ATG5: variants seen among roughly 807,000 people sequenced by gnomAD.
ATG5 encodes autophagy related 5, also known as autophagy protein 5.
In ATG5, 14 loss-of-function variants were observed where a neutral mutation model predicts 36.5. That is an observed-to-expected ratio of 0.38 (90% confidence interval 0.25 to 0.60). The LOEUF (loss-of-function observed/expected upper bound fraction) is 0.60. Ranked by LOEUF, ATG5 falls within the 20% of genes least tolerant of loss-of-function variation. The probability of loss-of-function intolerance (pLI) is 0.60; values close to 1 mark genes in which losing one functional copy is unlikely to be tolerated. For missense variants in ATG5, 195 were observed against 326.7 expected (o/e 0.60, Z 3.11); for synonymous variants, 95 against 101.5 (o/e 0.94, Z 0.38).
intron 1 of ATG5, among the ~76,000 whole-genome samples, chr6:106,324,360 T>A (rs996359262): frequency 5.3e-5 from 8 of 152,166 alleles, no homozygotes; most frequent in African/African-American, 1.9e-4. Flanking sequence ...CTGCAAACAC[T>A]ACACCATTTT....
Position 106,248,247 on chromosome 6 carries a change from G to A in ATG5, c.479-3C>T. 1.3e-6 allele frequency: 2 copies of A among 1,583,108 alleles called. No homozygotes were observed. The highest frequency in any genetic ancestry group is 1.1e-5 in the South Asian group (1 of 90,210). On this transcript the variant is annotated splice_region_variant and splice_polypyrimidine_tract_variant and intron_variant, in intron 5 of 7. Coordinates refer to ENST00000369076, the MANE Select transcript of ATG5 (RefSeq NM_004849.4). Reference sequence around the variant, plus strand: ...GGCCCAAAACTGGTCAAATCTGTCTGTAATGATATAAATTATTTGTTATTA... The same window carrying A: ...GGCCCAAAACTGGTCAAATCTGTCTATAATGATATAAATTATTTGTTATTA...
chr6:106,261,796 T>C (rs1449147202), intron 5 of ATG5, among the ~76,000 whole-genome samples: 1 of 152,108 alleles, frequency 6.6e-6, no homozygotes, highest in Non-Finnish European at 1.5e-5. Flanking sequence ...AGGCTGGATG[T>C]AGAAGTTGGG....
At chr6:106,204,134 G>A (rs999532653) in intron 6 of ATG5, among the ~76,000 whole-genome samples, 1 of 151,946 alleles carries the variant, frequency 6.6e-6, no homozygotes, top group Non-Finnish European at 1.5e-5. Flanking sequence ...GTAGATGAGG[G>A]GCTGATGGGT....
chr6:106,239,939 A>T (rs1247065307), intron 6 of ATG5, among the ~76,000 whole-genome samples: 1 of 152,240 alleles, frequency 6.6e-6, no homozygotes, highest in Non-Finnish European at 1.5e-5. Flanking sequence ...AGTTTATATA[A>T]TAAAAGATCA....
intron 5 of ATG5, among the ~76,000 whole-genome samples, chr6:106,265,976 A>C (rs1779212939): frequency 6.6e-6 from 1 of 152,100 alleles, no homozygotes; most frequent in African/African-American, 2.4e-5. Context: ...AGCTAGCACA[A>C]GACAAGAATA....
intron 6 of ATG5, among the ~76,000 whole-genome samples, chr6:106,203,259 A>G (rs1042598475): frequency 1.3e-5 from 2 of 152,168 alleles, no homozygotes; most frequent in African/African-American, 4.8e-5. Flanking sequence ...TTCATTTACT[A>G]AATTTCCTTA....
chr6:106,322,574 T>C (rs1272137604), intron 1 of ATG5, among the ~76,000 whole-genome samples: 2 of 152,190 alleles, frequency 1.3e-5, no homozygotes, highest in Non-Finnish European at 2.9e-5. Context: ...GCTAATGACC[T>C]TGCTTTCTAT....
intron 4 of ATG5, among the ~76,000 whole-genome samples, chr6:106,291,334 C>A (rs1780299779): frequency 1.3e-5 from 2 of 152,198 alleles, no homozygotes; most frequent in Admixed American, 1.3e-4. Flanking sequence ...ATAAAGAAAA[C>A]AATGACAACT....
intron 6 of ATG5, among the ~76,000 whole-genome samples, chr6:106,208,174 A>G (rs1385137527): frequency 1.3e-5 from 2 of 152,200 alleles, no homozygotes. Context: ...CCTGAACCTC[A>G]GTTTTTTCAA....
intron 2 of ATG5, among the ~76,000 whole-genome samples, chr6:106,310,023 A>G (rs937860824): frequency 1.3e-5 from 2 of 152,144 alleles, no homozygotes; most frequent in African/African-American, 4.8e-5. Flanking sequence ...CAAAATTGCT[A>G]AAGAACTCAC....
At position 106,298,406 on chromosome 6, in the gene ATG5, C is replaced by T. The variant is rs989285017; in HGVS notation, c.237-5300G>A. On this transcript the variant is annotated intron_variant, in intron 3 of 7. Coordinates refer to ENST00000369076, the MANE Select transcript of ATG5 (RefSeq NM_004849.4). Reference sequence around the variant, plus strand: ...AAAATTATATTTAAATTTAAATTAGCTGGGCGTGGTGGCATGCACCTGTAG... The same window carrying T: ...AAAATTATATTTAAATTTAAATTAGTTGGGCGTGGTGGCATGCACCTGTAG... Among the ~76,000 whole-genome samples, 4 of 151,864 alleles carry T rather than the reference C, an allele frequency of 2.6e-5. No individual in the cohort carries two copies. The South Asian group carries it at 8.3e-4, about 31-fold the overall frequency.
At chr6:106,189,134 C>T (rs1040149353) in intron 7 of ATG5, among the ~76,000 whole-genome samples, 1 of 152,142 alleles carries the variant, frequency 6.6e-6, no homozygotes, top group Non-Finnish European at 1.5e-5. Context: ...TTTTGGAATG[C>T]TTTCTGATAG....
At chr6:106,225,907 G>C (rs559624850) in intron 6 of ATG5, among the ~76,000 whole-genome samples, 2 of 152,100 alleles carry the variant, frequency 1.3e-5, no homozygotes, top group Admixed American at 1.3e-4. Flanking sequence ...AGAAAAACCT[G>C]GGAAATAAGA....
chr6:106,266,269 C>T (rs1779225684), intron 5 of ATG5, among the ~76,000 whole-genome samples: 1 of 152,158 alleles, frequency 6.6e-6, no homozygotes, highest in Non-Finnish European at 1.5e-5. Context: ...AATTATTGGA[C>T]ACATACACAC....
At chr6:106,224,991 C>T (rs1777398829) in intron 6 of ATG5, among the ~76,000 whole-genome samples, 1 of 152,182 alleles carries the variant, frequency 6.6e-6, no homozygotes, top group Admixed American at 6.5e-5. Context: ...ATACAGGAGG[C>T]ATGACAAGCC....
intron 5 of ATG5, among the ~76,000 whole-genome samples, chr6:106,257,667 T>A (rs1320942175): frequency 6.6e-6 from 1 of 152,230 alleles, no homozygotes; most frequent in Non-Finnish European, 1.5e-5. Flanking sequence ...ATTTATCTAA[T>A]TCTTGTGAGG....
intron 5 of ATG5, among the ~76,000 whole-genome samples, chr6:106,260,105 C>T (rs192407929): frequency 5.9e-5 from 9 of 152,090 alleles, no homozygotes; most frequent in East Asian, 3.9e-4. Flanking sequence ...TGAGGCCTGT[C>T]GGTGGGTGGG....
intron 4 of ATG5, among the ~76,000 whole-genome samples, chr6:106,289,464 C>T (rs1421722940): frequency 6.6e-6 from 1 of 151,754 alleles, no homozygotes; most frequent in Non-Finnish European, 1.5e-5. Context: ...TAAGTAAGAA[C>T]AGCTGAAAGA....
intron 6 of ATG5, among the ~76,000 whole-genome samples, chr6:106,239,453 G>C (rs1778025690): frequency 6.6e-6 from 1 of 152,106 alleles, no homozygotes; most frequent in South Asian, 2.1e-4. Context: ...TAATCAGACA[G>C]GACACTATGG....
Sources: gnomAD v4.1 joint callset for allele counts (sites outside exome capture counted in the v4.1 genomes callset) on GRCh38, gnomAD v4.1.1 for gene constraint, MANE v1.5 for transcripts, NCBI Gene and HGNC (gene_info 2026-07-23, HGNC 2026-07-21) for gene names.